The following PTPRM variants were observed in gnomAD, a reference collection of about 807,000 sequenced individuals.
PTPRM encodes the protein receptor-type tyrosine-protein phosphatase mu.
In PTPRM, 47 loss-of-function variants were observed where a neutral mutation model predicts 186.7. The ratio of observed to expected loss-of-function variants is 0.25; its 90% CI spans 0.20 to 0.32. The LOEUF is 0.32. Ranked by LOEUF, PTPRM falls within the 10% of genes least tolerant of loss-of-function variation. PTPRM has a pLI of 1.00. For synonymous variants in PTPRM, 668 were observed against 674.9 expected (o/e 0.99, Z 0.16); for missense variants, 1,494 against 1,865.0 (o/e 0.80, Z 3.66).
chr18:7,658,359 T>TATATATATATATATATATATACAC (rs1491198247), intron 1 of PTPRM, among the ~76,000 whole-genome samples: 1 of 136,666 alleles, frequency 7.3e-6, no homozygotes, highest in African/African-American at 2.9e-5. Context: ...TATATATATA[T>TATATATATATATATATATATACAC]ACATACACAC....
chr18:7,842,570 A>T (rs545830932), intron 2 of PTPRM, among the ~76,000 whole-genome samples: 1 of 152,130 alleles, frequency 6.6e-6, no homozygotes, highest in South Asian at 2.1e-4. Context: ...GTAGACTTTG[A>T]GTAAAGCAAA....
intron 32 of PTPRM, chr18:8,403,584 A>T (rs780206323): frequency 4.6e-5 from 7 of 152,208 alleles, no homozygotes; most frequent in Non-Finnish European, 7.3e-5. Flanking sequence ...AATAAAAAAA[A>T]ATCCCCTTTT....
intron 7 of PTPRM, among the ~76,000 whole-genome samples, chr18:8,042,275 A>G (rs185959704): frequency 9.8e-5 from 15 of 152,330 alleles, no homozygotes; most frequent in African/African-American, 3.4e-4. Flanking sequence ...TCTGAATAGC[A>G]GTTGGCTTTA....
At position 7,774,260 on chromosome 18, in the gene PTPRM, G is replaced by C; in HGVS notation, c.185G>C (p.Trp62Ser). ...NTLTKPTSDPWMPSGSFMLVN... is the reference protein window; with the variant it reads ...NTLTKPTSDPSMPSGSFMLVN... ...TTGACTAAACCGACTTCTGATCCATGGATGCCATCAGGTTTGCTTTTAGTT... is the reference window on the plus strand; with the variant it reads ...TTGACTAAACCGACTTCTGATCCATCGATGCCATCAGGTTTGCTTTTAGTT... The change falls in exon 2 of 33, where the codon TGG becomes TCG. Residue 62 changes from tryptophan (W) to serine (S), a missense_variant. Trp to Ser is a radical substitution (Grantham distance 177). Transcript: ENST00000580170. The C allele has an allele frequency of 6.2e-7, 1 of 1,613,924 alleles. No homozygotes were observed. The highest frequency in any genetic ancestry group is 2.2e-5 in the East Asian group (1 of 44,846).
chr18:7,631,946 T>G (rs950948163), intron 1 of PTPRM, among the ~76,000 whole-genome samples: 2 of 152,194 alleles, frequency 1.3e-5, no homozygotes, highest in African/African-American at 4.8e-5. Flanking sequence ...CTGTGCTGAT[T>G]GTACTCATTC....
chr18:7,847,072 G>A (rs1353047555), intron 2 of PTPRM, among the ~76,000 whole-genome samples: 1 of 150,898 alleles, frequency 6.6e-6, no homozygotes, highest in African/African-American at 2.4e-5. Context: ...TAGTTATCTA[G>A]TAGTTGCCTC....
chr18:8,179,788 C>T (rs774058887), intron 14 of PTPRM, among the ~76,000 whole-genome samples: 14 of 152,112 alleles, frequency 9.2e-5, no homozygotes, highest in Admixed American at 3.3e-4. Context: ...TCTTTTTAAA[C>T]AACCAGTCAT....
Position 8,039,756 on chromosome 18 carries a change from G to A in PTPRM, c.1133-29930G>A, listed in dbSNP as rs765746521. 5.9e-5 allele frequency among the ~76,000 whole-genome samples: 9 copies of A among 152,112 alleles called. No individual in the cohort carries two copies. In the South Asian group the frequency reaches 1.0e-3, roughly 18 times the overall value. ...CATCATGTTGTACAGTAGATCTCTT[G>A]CAGTTATTTCCCATGTCTAACTAAA... On this transcript the variant is annotated intron_variant, in intron 7 of 32. Transcript: ENST00000580170.
chr18:7,974,020 G>A (rs929961265), intron 7 of PTPRM, among the ~76,000 whole-genome samples: 6 of 151,682 alleles, frequency 4.0e-5, no homozygotes, highest in African/African-American at 1.5e-4. Flanking sequence ...GCCTTCTGGG[G>A]ACAGTTCCTT....
intron 14 of PTPRM, among the ~76,000 whole-genome samples, chr18:8,163,163 A>G (rs1316964913): frequency 6.6e-6 from 1 of 152,184 alleles, no homozygotes; most frequent in Non-Finnish European, 1.5e-5. Context: ...CTGCTGTCCT[A>G]ATTGCTGTGC....
At chr18:8,389,820 T>C (rs373017564) in intron 31 of PTPRM, among the ~76,000 whole-genome samples, 2 of 152,136 alleles carry the variant, frequency 1.3e-5, no homozygotes, top group African/African-American at 4.8e-5. Context: ...TTCAGCATAG[T>C]GTAGCGCCAC....
At chr18:8,032,314 A>G (rs962994062) in intron 7 of PTPRM, among the ~76,000 whole-genome samples, 3 of 152,152 alleles carry the variant, frequency 2.0e-5, no homozygotes, top group African/African-American at 7.2e-5. Context: ...AAATTATTAT[A>G]TATAAAACTT....
chr18:7,798,160 G>C (rs1438059734), intron 2 of PTPRM, among the ~76,000 whole-genome samples: 2 of 152,158 alleles, frequency 1.3e-5, no homozygotes, highest in African/African-American at 4.8e-5. Flanking sequence ...ACGAGGGTTG[G>C]TAGTTCAAAA....
intron 14 of PTPRM, among the ~76,000 whole-genome samples, chr18:8,221,047 A>C (rs1024626215): frequency 6.6e-6 from 1 of 152,162 alleles, no homozygotes; most frequent in Non-Finnish European, 1.5e-5. Flanking sequence ...ACTTGATACA[A>C]CTTAGACTTG....
At chr18:8,187,130 G>C (rs1040296583) in intron 14 of PTPRM, among the ~76,000 whole-genome samples, 1 of 152,048 alleles carries the variant, frequency 6.6e-6, no homozygotes, top group African/African-American at 2.4e-5. Context: ...AGCAGAGAAG[G>C]GTTTTCACCA....
intron 19 of PTPRM, among the ~76,000 whole-genome samples, chr18:8,289,200 TA>T (rs891793418): frequency 2.6e-4 from 39 of 151,886 alleles, no homozygotes; most frequent in African/African-American, 9.2e-4. Context: ...ACAACAGGAT[TA>T]AAATGCTCAC....
chr18:8,282,985 G>C (rs550885620), intron 19 of PTPRM, among the ~76,000 whole-genome samples: 43 of 152,198 alleles, frequency 2.8e-4, no homozygotes, highest in Non-Finnish European at 4.6e-4. Context: ...GCCAGTACTT[G>C]ATGATTCCAT....
intron 7 of PTPRM, among the ~76,000 whole-genome samples, chr18:8,067,906 T>C (rs2089206003): frequency 6.6e-6 from 1 of 152,206 alleles, no homozygotes; most frequent in African/African-American, 2.4e-5. Flanking sequence ...ATTGGATCTT[T>C]ATTATATTGT....
chr18:8,043,464 G>A (rs910476326), intron 7 of PTPRM, among the ~76,000 whole-genome samples: 1 of 152,082 alleles, frequency 6.6e-6, no homozygotes, highest in Non-Finnish European at 1.5e-5. Context: ...TTGGTCCTAT[G>A]GTAGTATCTT....
Sources: allele counts gnomAD v4.1 joint callset (sites outside exome capture counted in the v4.1 genomes callset), GRCh38; gene constraint gnomAD v4.1.1; transcripts MANE v1.5; gene names NCBI Gene and HGNC (gene_info 2026-07-23, HGNC 2026-07-21).